Variants in MYH11 observed in about 807,000 individuals in gnomAD.
MYH11 encodes the protein myosin-11.
Under a neutral mutation model 246.6 loss-of-function variants are expected in MYH11, and 80 were observed. The observed-to-expected ratio is 0.32, with a 90% CI of 0.27 to 0.39. MYH11 has a LOEUF of 0.39. Ranked by LOEUF, MYH11 falls within the 10% of genes least tolerant of loss-of-function variation. The probability of loss-of-function intolerance (pLI) is 1.00; values close to 1 mark genes in which losing one functional copy is unlikely to be tolerated. For synonymous variants in MYH11, 1,071 were observed against 1,015.5 expected (o/e 1.05, Z -1.04); for missense variants, 2,158 against 2,546.8 (o/e 0.85, Z 3.29).
rs1596749084 is a variant in MYH11 at position 15,732,702 on chromosome 16, C to T, written c.3513G>A (p.Lys1171=). The change falls in exon 27 of 41, where the codon AAG becomes AAA. Residue 1171 remains lysine, a synonymous_variant. Transcript: ENST00000300036. ...TCAGCACCGTCACCTCCTGCTCCCT[C>T]TTGGCCCTTGGTGGGAGGAACACAG... ...STATQQELRA[K]REQEVTVLKK... is the part of the protein sequence containing the mutation. 1 of 1,614,214 alleles carries T rather than the reference C, an allele frequency of 6.2e-7. No individual in the cohort carries two copies. Among genetic ancestry groups the T allele is most frequent in the Non-Finnish European group, 8.5e-7 (1 of 1,180,042 alleles).
At chr16:15,825,399 A>AG (rs2043534056) in intron 2 of MYH11, among the ~76,000 whole-genome samples, 1 of 151,696 alleles carries the variant, frequency 6.6e-6, no homozygotes, top group East Asian at 1.9e-4. Context: ...AAAAAAAAAA[A>AG]AAAAAAAAAT....
At chr16:15,737,759 A>C (rs988959363) in intron 24 of MYH11, 139 bp from the exon 25 acceptor site, 8 of 845,808 alleles carry the variant, frequency 9.5e-6, no homozygotes, top group Non-Finnish European at 1.5e-5. Context: ...GGTCTGGACC[A>C]TTATCTCCCG....
At chr16:15,762,144 TTTGTATTTTTAG>T (rs1567738374) in intron 10 of MYH11, among the ~76,000 whole-genome samples, 1 of 152,170 alleles carries the variant, frequency 6.6e-6, no homozygotes, top group Non-Finnish European at 1.5e-5. Flanking sequence ...CTGGCTAATT[TTTGTATTTTTAG>T]TAGAGATGGG....
chr16:15,726,774 CG>C (rs2040783755), intron 28 of MYH11, 73 bp downstream of exon 28: 2 of 1,559,026 alleles, frequency 1.3e-6, no homozygotes, highest in Non-Finnish European at 8.8e-7. Flanking sequence ...CTCAGCGAGC[CG>C]GGAAGAGGCT....
chr16:15,836,393 G>T (rs215584), intron 2 of MYH11, among the ~76,000 whole-genome samples: 54,553 of 151,952 alleles, frequency 0.36, 10,195 homozygotes, highest in Admixed American at 0.43. Context: ...ATTTTTTATT[G>T]TCTTTTACTT....
intron 40 of MYH11, among the ~76,000 whole-genome samples, chr16:15,709,239 C>T (rs776412456): frequency 6.6e-6 from 1 of 151,962 alleles, no homozygotes; most frequent in East Asian, 1.9e-4. Context: ...TGAACCACCG[C>T]ACCTGGCATT....
rs1360293989 is a variant in MYH11 at position 15,717,141 on chromosome 16, T to G, written c.5503A>C (p.Arg1835=). The G allele has an allele frequency of 6.2e-7, 1 of 1,614,160 alleles. No homozygotes were observed. The highest frequency in any genetic ancestry group is 8.5e-7 in the Non-Finnish European group (1 of 1,180,016). The change falls in exon 38 of 41, where the codon AGA becomes CGA. Residue 1835 remains arginine, a splice_region_variant and synonymous_variant. Transcript: ENST00000300036. The part of the protein sequence containing the change: ...QLEEQVEQEA[R]EKQAATKSLK... The stretch of plus-strand genomic sequence containing the variant: ...GTTCGGAACTCCACACCCGCATACC[T>G]GGCCTCCTGCTCGACCTGCTCCTCC...
At chr16:15,851,685 T>A (rs991278538) in intron 1 of MYH11, among the ~76,000 whole-genome samples, 1 of 152,176 alleles carries the variant, frequency 6.6e-6, no homozygotes, top group Non-Finnish European at 1.5e-5. Flanking sequence ...GGAAAAAAAG[T>A]GAATGGTGAA....
intron 1 of MYH11, among the ~76,000 whole-genome samples, chr16:15,850,606 A>G (rs1413839115): frequency 2.0e-5 from 3 of 152,112 alleles, no homozygotes; most frequent in African/African-American, 7.2e-5. Flanking sequence ...TATTCTAAAT[A>G]CCATGCAGGG....
intron 19 of MYH11, among the ~76,000 whole-genome samples, chr16:15,747,307 G>T (rs1298881895): frequency 6.6e-6 from 1 of 152,130 alleles, no homozygotes; most frequent in Non-Finnish European, 1.5e-5. Context: ...GCTCAGAGAG[G>T]TAGAGTAACT....
intron 40 of MYH11, among the ~76,000 whole-genome samples, chr16:15,709,401 A>G (rs2039653806): frequency 6.7e-6 from 1 of 149,196 alleles, no homozygotes; most frequent in African/African-American, 2.5e-5. Context: ...TGCAACCTCC[A>G]CCTCCCGGGT....
At position 15,816,222 on chromosome 16, in the gene MYH11, G is replaced by C. The variant is rs115077296; in HGVS notation, c.502+7033C>G. Among the ~76,000 whole-genome samples the C allele has an allele frequency of 1.9e-3, 285 of 152,264 alleles. 1 individual carries two copies. Among genetic ancestry groups the C allele is most frequent in the African/African-American group, 6.8e-3 (283 of 41,566 alleles). On this transcript the variant is annotated intron_variant, in intron 3 of 40. Coordinates refer to ENST00000300036, the MANE Select transcript of MYH11 (RefSeq NM_002474.3). ...GGGGAATTTCAAGGATGGTGAAAAA[G>C]ATCCTATATGACAGTTACTAGCTAT...
At chr16:15,729,737 G>A in intron 27 of MYH11, among the ~76,000 whole-genome samples, 1 of 152,022 alleles carries the variant, frequency 6.6e-6, no homozygotes. Flanking sequence ...TTTTAGTAGA[G>A]ACGGGGTTTT....
intron 34 of MYH11, 119 bp from the exon 35 acceptor site, chr16:15,719,832 C>G (rs2151205198): frequency 3.5e-6 from 5 of 1,416,368 alleles, no homozygotes; most frequent in Non-Finnish European, 4.9e-6. Flanking sequence ...AAAGAAGTTC[C>G]CATTGCACGA....
rs1364355866 is a variant in MYH11 at position 15,717,270 on chromosome 16, G to T, written c.5374C>A (p.Arg1792=). The change falls in exon 38 of 41, where the codon CGG becomes AGG. Residue 1792 remains arginine, a synonymous_variant. Transcript: ENST00000300036. Reference sequence around the variant, plus strand: ...TTGCTCCGGAGCTCCTTGTTCTGCCGCTCGAGCTGCTGCCGGGCACTCTCA... The same window carrying T: ...TTGCTCCGGAGCTCCTTGTTCTGCCTCTCGAGCTGCTGCCGGGCACTCTCA... ...KNESARQQLE[R]QNKELRSKLH... The T allele has an allele frequency of 1.2e-6, 2 of 1,613,738 alleles. No homozygotes were observed. Among genetic ancestry groups the T allele is most frequent in the African/African-American group, 1.3e-5 (1 of 74,916 alleles).
chr16:15,777,722 C>A (rs2042257618), intron 7 of MYH11, among the ~76,000 whole-genome samples: 1 of 152,064 alleles, frequency 6.6e-6, no homozygotes, highest in South Asian at 2.1e-4. Context: ...CAATAGCCAC[C>A]ACCTATGAGA....
rs141031021 is a variant in MYH11, at chr16:15,720,971, G to T, written c.4659C>A (p.Asp1553Glu). ...EMKTQLEELEDELQATEDAKL... is the reference protein window; with the variant it reads ...EMKTQLEELEEELQATEDAKL... ...TGGCGTCCTCCGTGGCTTGCAGCTC[G>T]TCCTCCAGCTCTTCCAGCTGCGTCT... is the stretch of plus-strand genomic sequence containing the variant. Residue 1553 changes from aspartate to glutamate, a missense_variant, in exon 33 of 41, where the codon GAC becomes GAA. Around this residue, in one of 11 missense-constraint regions of MYH11, gnomAD observed 1,013 missense variants for 993.5 expected, o/e 1.02. Transcript: ENST00000300036. 1 of 1,613,954 alleles carries T rather than the reference G, an allele frequency of 6.2e-7. No individual in the cohort carries two copies. The highest frequency in any genetic ancestry group is 1.7e-5 in the Admixed American group (1 of 59,974).
intron 6 of MYH11, 71 bp downstream of exon 6, chr16:15,782,314 A>T: frequency 8.7e-6 from 12 of 1,372,760 alleles, no homozygotes; most frequent in Non-Finnish European, 1.2e-5. Context: ...CTGCACGCAA[A>T]CACTCTGCAG....
chr16:15,805,877 C>T (rs759514639), intron 3 of MYH11, among the ~76,000 whole-genome samples: 14 of 152,252 alleles, frequency 9.2e-5, no homozygotes, highest in East Asian at 1.9e-4. Context: ...GACTGCACCA[C>T]GGTACTCCAG....
Sources: allele counts gnomAD v4.1 joint callset (sites outside exome capture counted in the v4.1 genomes callset), GRCh38; gene constraint gnomAD v4.1.1; regional missense constraint gnomAD v4.1.1; transcripts MANE v1.5; gene names NCBI Gene and HGNC (gene_info 2026-07-23, HGNC 2026-07-21).